EVI5: variants seen among roughly 807,000 people sequenced by gnomAD.
The protein encoded by EVI5 is ecotropic viral integration site 5 protein homolog.
In EVI5, 73 loss-of-function variants were observed where a neutral mutation model predicts 112.0. The ratio of observed to expected loss-of-function variants is 0.65; its 90% CI spans 0.54 to 0.79. The LOEUF (loss-of-function observed/expected upper bound fraction) is 0.79, where lower values mean the gene tolerates loss of function less well. EVI5 is among the 30% of genes least tolerant of loss of function. The pLI, the probability that EVI5 is intolerant of heterozygous loss-of-function variation, is 0.00. For synonymous variants in EVI5, 305 were observed against 319.9 expected (o/e 0.95, Z 0.50); for missense variants, 900 against 968.8 (o/e 0.93, Z 0.94).
chr1:92,634,730 G>T (rs887584681), intron 14 of EVI5, among the ~76,000 whole-genome samples: 2 of 152,192 alleles, frequency 1.3e-5, no homozygotes, highest in African/African-American at 4.8e-5. Context: ...GAGGAGCTGC[G>T]TTCCTTTAGA....
At chr1:92,723,659 A>T (rs1675101178) in intron 2 of EVI5, among the ~76,000 whole-genome samples, 1 of 152,214 alleles carries the variant, frequency 6.6e-6, no homozygotes, top group Non-Finnish European at 1.5e-5. Context: ...TTTGAACAAT[A>T]GAAAATCAGT....
chr1:92,738,672 A>G (rs1677845686), intron 1 of EVI5, among the ~76,000 whole-genome samples: 2 of 152,216 alleles, frequency 1.3e-5, no homozygotes, highest in South Asian at 4.1e-4. Context: ...ACTACTAAAG[A>G]CTGAACTTCA....
At chr1:92,553,522 C>T (rs1667276111) in intron 19 of EVI5, among the ~76,000 whole-genome samples, 2 of 151,712 alleles carry the variant, frequency 1.3e-5, no homozygotes, top group South Asian at 4.2e-4. Flanking sequence ...AGGCTGTTCT[C>T]GAACTCCTGA....
At chr1:92,550,612 T>C (rs1666636793) in intron 19 of EVI5, among the ~76,000 whole-genome samples, 1 of 147,004 alleles carries the variant, frequency 6.8e-6, no homozygotes, top group Non-Finnish European at 1.5e-5. Flanking sequence ...CCAGGCATAG[T>C]GGTGGGCGCC....
chr1:92,598,328 T>C (rs974090421), intron 18 of EVI5, among the ~76,000 whole-genome samples: 2 of 152,142 alleles, frequency 1.3e-5, no homozygotes, highest in South Asian at 2.1e-4. Context: ...TGTAATAATA[T>C]GTACAACAAA....
rs946991343 is a variant in EVI5, at chr1:92,635,523, C to T, written c.1527+679G>A. Among the ~76,000 whole-genome samples the T allele has an allele frequency of 3.9e-5, 6 of 152,168 alleles. No individual in the cohort carries two copies. In the East Asian group the frequency reaches 5.8e-4, roughly 15 times the overall value. ...CTGGTGTGCTGTTTGCTCAGACCAT[C>T]GGAAAAGCGCAGTATTAGGGTGCGA... On this transcript the variant is annotated intron_variant, in intron 14 of 19. Coordinates refer to ENST00000684568, the MANE Select transcript of EVI5 (RefSeq NM_001350197.2).
chr1:92,759,515 A>T (rs928338849), intron 1 of EVI5, among the ~76,000 whole-genome samples: 1 of 152,220 alleles, frequency 6.6e-6, no homozygotes, highest in Non-Finnish European at 1.5e-5. Flanking sequence ...ATTATTTTTA[A>T]ATGTATGATT....
At chr1:92,650,192 C>G (rs1223307450) in intron 13 of EVI5, among the ~76,000 whole-genome samples, 2 of 152,006 alleles carry the variant, frequency 1.3e-5, no homozygotes, top group South Asian at 4.2e-4. Flanking sequence ...ATTTTAAGAT[C>G]AGCTTTTGCA....
intron 1 of EVI5, among the ~76,000 whole-genome samples, chr1:92,762,290 T>C (rs1027084577): frequency 6.6e-6 from 1 of 152,206 alleles, no homozygotes; most frequent in African/African-American, 2.4e-5. Flanking sequence ...ATGTACACAA[T>C]GACACATTAC....
chr1:92,753,332 A>C (rs2102939044), intron 1 of EVI5, among the ~76,000 whole-genome samples: 1 of 152,342 alleles, frequency 6.6e-6, no homozygotes, highest in African/African-American at 2.4e-5. Flanking sequence ...TCAATCAAAC[A>C]GTCAATCAAC....
At chr1:92,517,380 T>C (rs1331038708) in intron 19 of EVI5, among the ~76,000 whole-genome samples, 2 of 152,192 alleles carry the variant, frequency 1.3e-5, no homozygotes, top group African/African-American at 4.8e-5. Context: ...TGGATTTTGG[T>C]ATCCATAGGG....
rs1392894191 is a variant in EVI5 at position 92,704,710 on chromosome 1, C to T, written c.184G>A (p.Val62Ile). The change falls in exon 3 of 20, where the codon GTA (valine) becomes ATA (isoleucine). Residue 62 changes from valine (V) to isoleucine (I), a missense_variant. Coordinates refer to ENST00000684568, the MANE Select transcript of EVI5 (RefSeq NM_001350197.2). Reference protein sequence around the residue: ...LETDSKSLRSVNGSRRNSGSS... With the variant: ...LETDSKSLRSINGSRRNSGSS... ...CCACTGTTTCTTCTTGACCCATTTA[C>T]AGATCTTAAAGACTTACTATCCGTT... The T allele has an allele frequency of 1.3e-6, 2 of 1,587,452 alleles. No homozygotes were observed. The highest frequency in any genetic ancestry group is 8.6e-7 in the Non-Finnish European group (1 of 1,165,922).
At chr1:92,592,776 A>G (rs1262648149) in intron 18 of EVI5, among the ~76,000 whole-genome samples, 1 of 152,260 alleles carries the variant, frequency 6.6e-6, no homozygotes, top group Admixed American at 6.5e-5. Flanking sequence ...CTACCATCAG[A>G]GCATACTATA....
At chr1:92,604,749 T>C (rs1649974879) in intron 18 of EVI5, among the ~76,000 whole-genome samples, 1 of 152,244 alleles carries the variant, frequency 6.6e-6, no homozygotes, top group South Asian at 2.1e-4. Flanking sequence ...GGTTTGTTTA[T>C]ACCAGCCTCA....
intron 1 of EVI5, among the ~76,000 whole-genome samples, chr1:92,769,700 G>C (rs1683114198): frequency 6.6e-6 from 1 of 152,126 alleles, no homozygotes; most frequent in South Asian, 2.1e-4. Context: ...GGGTAACATG[G>C]TGAAACCTCG....
intron 19 of EVI5, among the ~76,000 whole-genome samples, chr1:92,529,657 CT>C (rs1407044441): frequency 1.3e-5 from 2 of 152,100 alleles, no homozygotes; most frequent in African/African-American, 4.8e-5. Flanking sequence ...TTATTGGTAG[CT>C]TGACCATTTA....
At chr1:92,658,317 G>A (rs754322500) in intron 13 of EVI5, among the ~76,000 whole-genome samples, 9 of 152,126 alleles carry the variant, frequency 5.9e-5, no homozygotes, top group African/African-American at 2.2e-4. Context: ...CTGATGTTAT[G>A]ATCTTATACC....
At chr1:92,542,840 G>A (rs1469925261) in intron 19 of EVI5, among the ~76,000 whole-genome samples, 4 of 152,166 alleles carry the variant, frequency 2.6e-5, no homozygotes, top group African/African-American at 9.7e-5. Flanking sequence ...TTTCTGAGCA[G>A]TAATATTTTG....
chr1:92,599,327 A>G (rs1421618973), intron 18 of EVI5, among the ~76,000 whole-genome samples: 1 of 152,066 alleles, frequency 6.6e-6, no homozygotes, highest in African/African-American at 2.4e-5. Flanking sequence ...TAATTGGAAG[A>G]GTTAATCTGA....
Sources: gnomAD v4.1 joint callset for allele counts (sites outside exome capture counted in the v4.1 genomes callset) on GRCh38, gnomAD v4.1.1 for gene constraint, MANE v1.5 for transcripts, NCBI Gene and HGNC (gene_info 2026-07-23, HGNC 2026-07-21) for gene names.